Variants in PLA2G4F observed in about 807,000 individuals in gnomAD.
PLA2G4F encodes phospholipase A2 group IVF, also known as cytosolic phospholipase A2 zeta.
Under a neutral mutation model 103.1 loss-of-function variants are expected in PLA2G4F, and 105 were observed. The observed-to-expected ratio is 1.02, with a 90% CI of 0.87 to 1.20. The LOEUF is 1.20. PLA2G4F is among the 50% of genes most tolerant of loss of function. The pLI is 0.00. For synonymous variants in PLA2G4F, 468 were observed against 441.1 expected, an observed-to-expected ratio of 1.06 and a Z score of -0.76; for missense variants, 1,155 against 1,075.9, an observed-to-expected ratio of 1.07 and a Z score of -1.03.
Position 42,144,506 on chromosome 15 carries a change from C to T in PLA2G4F, c.1919G>A (p.Arg640Gln), listed in dbSNP as rs201073517. The change falls in exon 17 of 20, where the codon CGG becomes CAG. Residue 640 changes from arginine (R) to glutamine (Q), a missense_variant. By Grantham distance (43) the Arg-to-Gln change is conservative. This residue lies in a region of PLA2G4F where 782 missense variants were observed against 692.9 expected (regional missense o/e 1.13). Transcript: ENST00000397272. ...FTSAQSFNFT[R>Q]GLCLHKDYVA... Reference sequence around the variant, plus strand: ...ATAGTCCTTGTGCAAGCAGAGACCCCGGGTGAAGTTAAAGCTCTGGGCGGA... The same window carrying T: ...ATAGTCCTTGTGCAAGCAGAGACCCTGGGTGAAGTTAAAGCTCTGGGCGGA... 9.1e-5 allele frequency: 146 copies of T among 1,612,448 alleles called. 2 individuals carry two copies. The highest frequency in any genetic ancestry group is 8.6e-4 in the South Asian group (78 of 90,998).
At chr15:42,150,584 C>G in intron 8 of PLA2G4F, 24 bp downstream of exon 8, 4 of 1,596,570 alleles carry the variant, frequency 2.5e-6, no homozygotes, top group East Asian at 4.5e-5. Context: ...TTGGATCTAC[C>G]GACCATCCTG....
At chr15:42,151,516 C>T (rs1033798034) in intron 7 of PLA2G4F, 13 of 985,104 alleles carry the variant, frequency 1.3e-5, no homozygotes, top group Non-Finnish European at 1.6e-5. Context: ...GAGTCCCAGC[C>T]CCTAACACAA....
intron 16 of PLA2G4F, 124 bp from the exon 17 acceptor site, chr15:42,144,768 AC>A: frequency 1.0e-6 from 1 of 995,900 alleles, no homozygotes; most frequent in Non-Finnish European, 1.4e-6. Flanking sequence ...CTCCTCCCTG[AC>A]CCCACCTCCC....
intron 11 of PLA2G4F, chr15:42,149,458 G>A (rs1218130295): frequency 5.1e-6 from 5 of 973,478 alleles, no homozygotes; most frequent in Non-Finnish European, 6.1e-6. Flanking sequence ...CTAGAACTGA[G>A]AGAAAAGTCA....
chr15:42,147,152 A>G lies in PLA2G4F; in HGVS notation c.1391T>C (p.Leu464Pro). The change falls in exon 13 of 20, where the codon CTC becomes CCC. Residue 464 changes from leucine (L) to proline (P), a missense_variant. Physicochemically the swap from Leu to Pro is moderately conservative, Grantham distance 98. This residue lies in a region of PLA2G4F where 782 missense variants were observed against 692.9 expected (regional missense o/e 1.13). Transcript: ENST00000397272. Reference sequence around the variant, plus strand: ...CTGGTACAGGAGATACTCAACAAGGAGGCCCCAGAGGTCGATGAGGGACAC... The same window carrying G: ...CTGGTACAGGAGATACTCAACAAGGGGGCCCCAGAGGTCGATGAGGGACAC... ...HSVSLIDLWGLLVEYLLYQEE... is the reference protein window; with the variant it reads ...HSVSLIDLWGPLVEYLLYQEE... The G allele has an allele frequency of 1.2e-6, 2 of 1,612,694 alleles. No homozygotes were observed. Among genetic ancestry groups the G allele is most frequent in the Non-Finnish European group, 1.7e-6 (2 of 1,179,928 alleles).
chr15:42,153,715 G>T, intron 4 of PLA2G4F, 55 bp from the exon 5 acceptor site: 1 of 1,596,200 alleles, frequency 6.3e-7, no homozygotes, highest in South Asian at 1.1e-5. Context: ...AGCCTCCAGA[G>T]CTGTTCCTGC....
At chr15:42,142,455 C>G (rs1426312330) in intron 19 of PLA2G4F, 73 bp downstream of exon 19, 7 of 1,489,384 alleles carry the variant, frequency 4.7e-6, no homozygotes, top group Admixed American at 4.2e-5. Context: ...TCCAGGGAAC[C>G]CACCCTCAGA....
intron 7 of PLA2G4F, chr15:42,151,304 A>G (rs1324568688): frequency 3.0e-6 from 3 of 984,986 alleles, no homozygotes; most frequent in Non-Finnish European, 3.6e-6. Context: ...GGGTACAGAG[A>G]GATGCACGTC....
chr15:42,146,048 G>C (rs902827515), intron 14 of PLA2G4F, 79 bp downstream of exon 14: 2 of 1,582,768 alleles, frequency 1.3e-6, no homozygotes, highest in African/African-American at 2.7e-5. Flanking sequence ...ACCTCCTCTG[G>C]GTACCCTGAT....
chr15:42,150,792 C>A lies in PLA2G4F; in HGVS notation c.602-15G>T, dbSNP rs751115433. 3.7e-6 allele frequency: 6 copies of A among 1,601,924 alleles called. No homozygotes were observed. In the East Asian group the frequency reaches 1.1e-4, roughly 30 times the overall value. ...CTGCCTAGAGCCTGAGAGCAGAGGGCCCAGGTGGGTGCGCAGGTGAGGGGG... is the reference window on the plus strand; with the variant it reads ...CTGCCTAGAGCCTGAGAGCAGAGGGACCAGGTGGGTGCGCAGGTGAGGGGG... On this transcript the variant is annotated splice_polypyrimidine_tract_variant and intron_variant, in intron 7 of 19. Transcript: ENST00000397272.
chr15:42,154,844 G>A (rs1374367724), intron 2 of PLA2G4F, among the ~76,000 whole-genome samples: 2 of 151,990 alleles, frequency 1.3e-5, no homozygotes, highest in East Asian at 3.9e-4. Flanking sequence ...GGCACTCCCA[G>A]GCACAGGGAG....
chr15:42,155,102 T>C lies in PLA2G4F; in HGVS notation c.184+415A>G, dbSNP rs545340003. Reference sequence around the variant, plus strand: ...CAACACGCACACACGTATACACACATACACACTCACGTTCACACACACTCG... The same window carrying C: ...CAACACGCACACACGTATACACACACACACACTCACGTTCACACACACTCG... On this transcript the variant is annotated intron_variant, in intron 2 of 19. Coordinates refer to ENST00000397272, the MANE Select transcript of PLA2G4F (RefSeq NM_213600.4). Among the ~76,000 whole-genome samples, 20 of 118,554 alleles carry C rather than the reference T, an allele frequency of 1.7e-4. No individual in the cohort carries two copies. In the East Asian group the frequency reaches 5.0e-3, roughly 30 times the overall value. 77.8% of individuals were successfully genotyped at this position (118,554 alleles called of 152,430 possible). A position where few individuals can be genotyped will look rare whatever the true frequency, so the allele number is the denominator to read the frequency against.
At chr15:42,149,199 A>T in intron 11 of PLA2G4F, 1 of 951,276 alleles carries the variant, frequency 1.1e-6, no homozygotes, top group Non-Finnish European at 1.3e-6. Flanking sequence ...CTAACCCCCA[A>T]TGTGACAGTA....
In PLA2G4F at chr15:42,147,543, A is replaced by G. The variant is rs918258749; in HGVS notation, c.1196+83T>C. 5.9e-5 allele frequency: 89 copies of G among 1,520,436 alleles called. 1 individual carries two copies. The highest frequency in any genetic ancestry group is 3.3e-4 in the Admixed American group (19 of 57,068). The allele number at this position is 1,520,436 out of a possible 1,614,324, so 94.2% of individuals were successfully genotyped here. A position where few individuals can be genotyped will look rare whatever the true frequency, so the allele number is the denominator to read the frequency against. ...CTGGGAGGCAGGATCCCAGCCCCTCAGGGACTCCTTAAGATCACCAGGTCA... is the reference window on the plus strand; with the variant it reads ...CTGGGAGGCAGGATCCCAGCCCCTCGGGGACTCCTTAAGATCACCAGGTCA... On this transcript the variant is annotated intron_variant, in intron 12 of 19. Coordinates refer to ENST00000397272, the MANE Select transcript of PLA2G4F (RefSeq NM_213600.4).
chr15:42,149,691 C>T, intron 11 of PLA2G4F, 22 bp downstream of exon 11: 3 of 1,613,740 alleles, frequency 1.9e-6, no homozygotes, highest in Non-Finnish European at 2.5e-6. Flanking sequence ...CTCTGGGGTC[C>T]AGCTCCTCCT....
At position 42,147,114 on chromosome 15, in the gene PLA2G4F, C is replaced by G. The variant is rs1289975172; in HGVS notation, c.1419+10G>C. 2 of 1,610,366 alleles carry G rather than the reference C, an allele frequency of 1.2e-6. No individual in the cohort carries two copies. Among genetic ancestry groups the G allele is most frequent in the Non-Finnish European group, 1.7e-6 (2 of 1,178,754 alleles). On this transcript the variant is annotated intron_variant, in intron 13 of 19. Transcript: ENST00000397272. ...GGAGCCTACGTATTTCCTTCTGGCT[C>G]TTCTCTCACCTCCTGGTACAGGAGA...
intron 6 of PLA2G4F, 101 bp from the exon 7 acceptor site, chr15:42,152,855 GC>G: frequency 8.7e-7 from 1 of 1,150,516 alleles, no homozygotes; most frequent in Non-Finnish European, 1.2e-6. Flanking sequence ...AACAGCCATG[GC>G]CCCATCCAGG....
rs144626679 is a variant in PLA2G4F, at chr15:42,146,156, C to T, written c.1505G>A (p.Arg502His). 1.8e-5 allele frequency: 29 copies of T among 1,614,202 alleles called. No individual in the cohort carries two copies. The highest frequency in any genetic ancestry group is 1.2e-4 in the Admixed American group (7 of 60,024). Residue 502 changes from arginine to histidine, a missense_variant, in exon 14 of 20, where the codon CGC becomes CAC. By Grantham distance (29) the Arg-to-His change is conservative. Around this residue, in one of 3 missense-constraint regions of PLA2G4F, gnomAD observed 782 missense variants for 692.9 expected, o/e 1.13. Coordinates refer to ENST00000397272, the MANE Select transcript of PLA2G4F (RefSeq NM_213600.4). ...PYPIYTSVNV[R>H]TNLSGEDFAE... ...AAAATCTTCCCCACTCAAGTTGGTG[C>T]GGACGTTGACACTGGTGTAAATGGG...
chr15:42,142,678 C>T lies in PLA2G4F; in HGVS notation c.2179G>A (p.Gly727Arg). 1 of 1,614,110 alleles carries T rather than the reference C, an allele frequency of 6.2e-7. No individual in the cohort carries two copies. The highest frequency in any genetic ancestry group is 8.5e-7 in the Non-Finnish European group (1 of 1,180,006). ...KMTEKYCLDR[G>R]IPFPSIEVGP... ...ACCTCGATGCTAGGGAAGGGGATTC[C>T]TCGGTCCAGGCAGTACTTCTCTGTC... The change falls in exon 19 of 20, where the codon GGA (glycine) becomes AGA (arginine). Residue 727 changes from glycine (G) to arginine (R), a missense_variant. Transcript: ENST00000397272.
Sources: allele counts gnomAD v4.1 joint callset (sites outside exome capture counted in the v4.1 genomes callset), GRCh38; gene constraint gnomAD v4.1.1; regional missense constraint gnomAD v4.1.1; transcripts MANE v1.5; gene names NCBI Gene and HGNC (gene_info 2026-07-23, HGNC 2026-07-21).